Variants in PRKAB2 observed in about 807,000 individuals in gnomAD.
The protein encoded by PRKAB2 is protein kinase AMP-activated non-catalytic subunit beta 2, also known as 5'-AMP-activated protein kinase subunit beta-2.
A neutral mutation model predicts 29.8 loss-of-function variants in PRKAB2; 18 were observed. That is an observed-to-expected ratio of 0.60 (90% CI 0.42 to 0.89). The LOEUF (loss-of-function observed/expected upper bound fraction) is 0.89. Ranked by LOEUF, PRKAB2 falls within the 40% of genes least tolerant of loss-of-function variation. The pLI, the probability that PRKAB2 is intolerant of heterozygous loss-of-function variation, is 0.00. For missense variants in PRKAB2, 270 were observed against 344.3 expected, an observed-to-expected ratio of 0.78 and a Z score of 1.71; for synonymous variants, 136 against 125.9, an observed-to-expected ratio of 1.08 and a Z score of -0.54.
chr1:147,170,053 G>A (rs1044519989), intron 2 of PRKAB2, among the ~76,000 whole-genome samples: 4 of 152,178 alleles, frequency 2.6e-5, no homozygotes, highest in Non-Finnish European at 5.9e-5. Context: ...GAATGCAACT[G>A]ACTAGCAGAA....
intron 2 of PRKAB2, among the ~76,000 whole-genome samples, chr1:147,170,234 A>C (rs782785404): frequency 1.4e-4 from 21 of 152,236 alleles, no homozygotes; most frequent in Admixed American, 2.6e-4. Flanking sequence ...TCTGATTTTC[A>C]GACAATCTGA....
At chr1:147,168,801 T>C (rs1654375946) in intron 2 of PRKAB2, among the ~76,000 whole-genome samples, 1 of 152,194 alleles carries the variant, frequency 6.6e-6, no homozygotes, top group Non-Finnish European at 1.5e-5. Context: ...ACCTATTATT[T>C]TACTGATTGA....
intron 7 of PRKAB2, 84 bp from the exon 8 acceptor site, chr1:147,159,726 C>T (rs1653861389): frequency 8.2e-7 from 1 of 1,226,104 alleles, no homozygotes; most frequent in African/African-American, 1.5e-5. Context: ...TTCACAGTCA[C>T]TCACTTTTAA....
At chr1:147,164,223 G>A (rs1462387929) in intron 5 of PRKAB2, among the ~76,000 whole-genome samples, 2 of 152,160 alleles carry the variant, frequency 1.3e-5, no homozygotes, top group Admixed American at 1.3e-4. Context: ...ACAGGTGTGA[G>A]CCACCAAATT....
chr1:147,167,696 G>C (rs1419000211), intron 3 of PRKAB2, 71 bp downstream of exon 3: 1 of 1,517,444 alleles, frequency 6.6e-7, no homozygotes, highest in Non-Finnish European at 8.9e-7. Flanking sequence ...AGTCCAGCTG[G>C]GTCTCTCTTC....
At chr1:147,170,740 C>T (rs1171522592) in intron 2 of PRKAB2, among the ~76,000 whole-genome samples, 1 of 152,024 alleles carries the variant, frequency 6.6e-6, no homozygotes, top group South Asian at 2.1e-4. Context: ...CCAGCATGCC[C>T]GGCTACTTTT....
In PRKAB2 at chr1:147,159,457, T is replaced by A. The variant is rs1653839808; in HGVS notation, c.*108A>T. The A allele has an allele frequency of 4.4e-6, 4 of 915,286 alleles. No homozygotes were observed. In the African/African-American group the frequency reaches 6.6e-5, roughly 15 times the overall value. The allele number at this position is 915,286 out of a possible 1,614,324, so 56.7% of individuals were successfully genotyped here. A position where few individuals can be genotyped will look rare whatever the true frequency, so the allele number is the denominator to read the frequency against. On this transcript the variant is annotated 3_prime_UTR_variant, in exon 8 of 8. Transcript: ENST00000254101. ...CTACTCAGAGGCTCTGAAACACACATATCAGCCTCAAAGCAAATCAGCCTT... is the reference window on the plus strand; with the variant it reads ...CTACTCAGAGGCTCTGAAACACACAAATCAGCCTCAAAGCAAATCAGCCTT...
chr1:147,156,181 G>A lies in PRKAB2; in HGVS notation c.*3384C>T, dbSNP rs1044214045. 2.6e-5 allele frequency: 4 copies of A among 152,510 alleles called. No individual in the cohort carries two copies. Among genetic ancestry groups the A allele is most frequent in the African/African-American group, 4.8e-5 (2 of 41,386 alleles). The allele number at this position is 152,510 out of a possible 1,614,324, so 9.4% of individuals were successfully genotyped here. On this transcript the variant is annotated 3_prime_UTR_variant, in exon 8 of 8. Transcript: ENST00000254101. The stretch of plus-strand genomic sequence containing the variant: ...AGCCCATGCCCCAAATCACTAGAAC[G>A]TGAGAATGTAGAAATCTCTGAGAAC...
intron 5 of PRKAB2, among the ~76,000 whole-genome samples, chr1:147,164,837 T>C (rs1013997594): frequency 1.3e-5 from 2 of 152,230 alleles, no homozygotes; most frequent in Non-Finnish European, 2.9e-5. Flanking sequence ...CTCTATATAA[T>C]TATGATACAT....
At chr1:147,170,846 T>C (rs1654496076) in intron 2 of PRKAB2, among the ~76,000 whole-genome samples, 1 of 152,184 alleles carries the variant, frequency 6.6e-6, no homozygotes, top group African/African-American at 2.4e-5. Flanking sequence ...CCTCCCAAAG[T>C]GCTGGGATTA....
At chr1:147,165,729 CT>C (rs782499080) in intron 5 of PRKAB2, among the ~76,000 whole-genome samples, 214 of 145,132 alleles carry the variant, frequency 1.5e-3, no homozygotes, top group South Asian at 3.7e-3. Flanking sequence ...CTACCATAGA[CT>C]TTTTTTTTTT....
chr1:147,163,235 C>T (rs983188371), intron 5 of PRKAB2, among the ~76,000 whole-genome samples: 6 of 152,268 alleles, frequency 3.9e-5, no homozygotes, highest in African/African-American at 9.6e-5. Flanking sequence ...CACACTATTC[C>T]CACTGCTAGA....
At chr1:147,165,793 AG>A (rs1388831972) in intron 5 of PRKAB2, among the ~76,000 whole-genome samples, 1 of 151,702 alleles carries the variant, frequency 6.6e-6, no homozygotes, top group South Asian at 2.1e-4. Flanking sequence ...GTCAGGGGGC[AG>A]GGGGGTGGTT....
intron 2 of PRKAB2, 118 bp from the exon 3 acceptor site, chr1:147,168,051 A>G (rs1654339452): frequency 9.4e-7 from 1 of 1,067,728 alleles, no homozygotes; most frequent in Admixed American, 2.6e-5. Context: ...ATAAACCCCA[A>G]AATTAGCAAC....
At chr1:147,168,889 G>A (rs140185882) in intron 2 of PRKAB2, among the ~76,000 whole-genome samples, 4 of 152,132 alleles carry the variant, frequency 2.6e-5, no homozygotes, top group African/African-American at 4.8e-5. Flanking sequence ...CTGCAGCCTC[G>A]AACTCCTGGG....
chr1:147,162,656 A>G (rs1654028147), intron 5 of PRKAB2, 83 bp from the exon 6 acceptor site: 2 of 1,343,654 alleles, frequency 1.5e-6, no homozygotes, highest in Admixed American at 2.2e-5. Flanking sequence ...CATGGCAGCT[A>G]ACATTAAATA....
rs1553914545 is a variant in PRKAB2 at position 147,172,130 on chromosome 1, G to A, written c.15C>T (p.Thr5=). Residue 5 remains threonine, a synonymous_variant, in exon 2 of 8, where the codon ACC becomes ACT. Transcript: ENST00000254101. MGNT[T]SDRVSGERHG... Reference sequence around the variant, plus strand: ...GGCGCTCCCCGGACACCCGGTCGCTGGTGGTGTTTCCCATGGCTGCAGCTC... The same window carrying A: ...GGCGCTCCCCGGACACCCGGTCGCTAGTGGTGTTTCCCATGGCTGCAGCTC... 6.4e-7 allele frequency: 1 copy of A among 1,551,152 alleles called. No homozygotes were observed. Among genetic ancestry groups the A allele is most frequent in the South Asian group, 1.2e-5 (1 of 84,100 alleles).
chr1:147,163,887 C>G (rs10900322), intron 5 of PRKAB2, among the ~76,000 whole-genome samples: 87,341 of 151,858 alleles, frequency 0.58, 27,983 homozygotes, highest in East Asian at 0.86. Flanking sequence ...GACAAGAATA[C>G]AATATACAAA....
Position 147,167,912 on chromosome 1 carries a change from C to G in PRKAB2, c.178G>C (p.Val60Leu), listed in dbSNP as rs149699645. The change falls in exon 3 of 8, where the codon GTA becomes CTA. Residue 60 changes from valine to leucine, a missense_variant. Val to Leu is a conservative substitution (Grantham distance 32, BLOSUM62 1). Transcript: ENST00000254101. ...DSKLPGDKEF[V>L]SWQQDLEDSV... ...TCCTCCAAATCCTGCTGCCATGATA[C>G]AAACTCTTTGTCCCCAGGGAGCTGT... 6.2e-7 allele frequency: 1 copy of G among 1,613,350 alleles called. No homozygotes were observed. Among genetic ancestry groups the G allele is most frequent in the Non-Finnish European group, 8.5e-7 (1 of 1,179,690 alleles).
Sources: gnomAD v4.1 joint callset for allele counts (sites outside exome capture counted in the v4.1 genomes callset) on GRCh38, gnomAD v4.1.1 for gene constraint, MANE v1.5 for transcripts, NCBI Gene and HGNC (gene_info 2026-07-23, HGNC 2026-07-21) for gene names.